The following BRAF variants were observed in gnomAD, a reference collection of about 807,000 sequenced individuals.
BRAF encodes B-Raf proto-oncogene, serine/threonine kinase.
A neutral mutation model predicts 104.6 loss-of-function variants in BRAF; 16 were observed. The observed-to-expected ratio is 0.15, with a 90% confidence interval of 0.10 to 0.23. The LOEUF (loss-of-function observed/expected upper bound fraction) is 0.23. Ranked by LOEUF, BRAF falls within the 10% of genes least tolerant of loss-of-function variation. The pLI is 1.00. For missense variants in BRAF, 541 were observed against 937.3 expected (o/e 0.58, Z 5.52); for synonymous variants, 310 against 341.6 (o/e 0.91, Z 1.02).
At chr7:140,908,589 T>C (rs753980548) in intron 1 of BRAF, among the ~76,000 whole-genome samples, 9 of 152,150 alleles carry the variant, frequency 5.9e-5, no homozygotes, top group Non-Finnish European at 1.3e-4. Flanking sequence ...GGCAAATCAC[T>C]GTGAAGGCTA....
intron 3 of BRAF, among the ~76,000 whole-genome samples, chr7:140,813,446 C>T (rs1428083629): frequency 6.6e-6 from 1 of 152,080 alleles, no homozygotes; most frequent in Admixed American, 6.5e-5. Flanking sequence ...ATCCATGAAG[C>T]GAAATTTGTA....
rs1416374447 is a variant in BRAF at position 140,787,529 on chromosome 7, A to T, written c.1177+19T>A. ...GCAGTTTCCTTGAGTTTTTAAAAAA[A>T]CCTGAAATCACTACTTACCTCCATC... On this transcript the variant is annotated intron_variant, in intron 9 of 19. Coordinates refer to ENST00000644969, the MANE Select transcript of BRAF (RefSeq NM_001374258.1). 1.2e-6 allele frequency: 2 copies of T among 1,608,912 alleles called. No homozygotes were observed. Among genetic ancestry groups the T allele is most frequent in the Non-Finnish European group, 1.7e-6 (2 of 1,175,586 alleles).
intron 1 of BRAF, among the ~76,000 whole-genome samples, chr7:140,895,175 G>A (rs1260507956): frequency 6.6e-6 from 1 of 152,022 alleles, no homozygotes; most frequent in Non-Finnish European, 1.5e-5. Flanking sequence ...AAACTAGGAA[G>A]TCTACCAATA....
At chr7:140,800,104 G>A (rs1483143025) in intron 7 of BRAF, 2 of 511,312 alleles carry the variant, frequency 3.9e-6, no homozygotes, top group Non-Finnish European at 7.0e-6. Context: ...AGTTCAAGAA[G>A]CATGTCACTG....
Position 140,861,295 on chromosome 7 carries a change from A to G in BRAF, c.139-11083T>C, listed in dbSNP as rs147654724. ...ACAAATGAGGGGTGCAAACTTGTTC[A>G]GTTCTGATTGGCTGAGGCAGGTCAC... is the stretch of plus-strand genomic sequence containing the variant. On this transcript the variant is annotated intron_variant, in intron 1 of 19. Transcript: ENST00000644969. Among the ~76,000 whole-genome samples the G allele has an allele frequency of 3.3e-3, 500 of 152,320 alleles. 3 individuals carry two copies. Among genetic ancestry groups the G allele is most frequent in the African/African-American group, 0.012 (478 of 41,552 alleles).
intron 1 of BRAF, among the ~76,000 whole-genome samples, chr7:140,851,204 T>C (rs1000186483): frequency 2.6e-5 from 4 of 152,112 alleles, no homozygotes; most frequent in South Asian, 2.1e-4. Context: ...AGGTTTTTTT[T>C]CTTAATAAAA....
intron 1 of BRAF, among the ~76,000 whole-genome samples, chr7:140,864,848 G>A (rs1184625220): frequency 6.6e-6 from 1 of 152,142 alleles, no homozygotes; most frequent in South Asian, 2.1e-4. Flanking sequence ...ATGGAAGACA[G>A]AGATGCAGGA....
chr7:140,918,722 G>A (rs780640308), intron 1 of BRAF, among the ~76,000 whole-genome samples: 1 of 152,206 alleles, frequency 6.6e-6, no homozygotes, highest in Non-Finnish European at 1.5e-5. Flanking sequence ...ATCCAGTAAG[G>A]TTTTATTCAC....
At position 140,818,556 on chromosome 7, in the gene BRAF, G is replaced by A. The variant is rs576408419; in HGVS notation, c.505-9561C>T. ...TCGAACTCCTGACCTCAGGTGATCC[G>A]CCCGCCTTGGCCTCCCAAAGTGCTA... On this transcript the variant is annotated intron_variant, in intron 3 of 19. Transcript: ENST00000644969. Among the ~76,000 whole-genome samples, 9 of 152,080 alleles carry A rather than the reference G, an allele frequency of 5.9e-5. No individual in the cohort carries two copies. In the South Asian group the frequency reaches 6.2e-4, roughly 11 times the overall value.
intron 7 of BRAF, chr7:140,799,375 T>C (rs747585599): frequency 1.7e-5 from 4 of 232,584 alleles, no homozygotes; most frequent in Non-Finnish European, 3.4e-5. Flanking sequence ...TCACTGCTAA[T>C]TGATTTTTTC....
At chr7:140,914,964 C>A (rs1393445662) in intron 1 of BRAF, among the ~76,000 whole-genome samples, 1 of 10,348 alleles carries the variant, frequency 9.7e-5, no homozygotes, top group Admixed American at 2.2e-3. Flanking sequence ...CACTTGAACC[C>A]GGGGGGGGGG....
intron 1 of BRAF, among the ~76,000 whole-genome samples, chr7:140,897,101 T>C (rs12531697): frequency 0.025 from 3,771 of 151,862 alleles, 182 homozygotes; most frequent in East Asian, 0.17. Flanking sequence ...TTAGAGGACA[T>C]TGACAATCTA....
chr7:140,793,017 A>G (rs1802139508), intron 8 of BRAF, among the ~76,000 whole-genome samples: 1 of 152,238 alleles, frequency 6.6e-6, no homozygotes, highest in African/African-American at 2.4e-5. Context: ...TGTAGTATAT[A>G]ATTCAAGTGA....
intron 1 of BRAF, among the ~76,000 whole-genome samples, chr7:140,910,009 T>C (rs1816795641): frequency 1.3e-5 from 2 of 152,190 alleles, no homozygotes; most frequent in Non-Finnish European, 2.9e-5. Context: ...CATTGTGGGA[T>C]GGCTGACTTC....
chr7:140,782,244 G>A (rs984126298), intron 11 of BRAF, among the ~76,000 whole-genome samples: 1 of 152,048 alleles, frequency 6.6e-6, no homozygotes, highest in Admixed American at 6.6e-5. Context: ...TTATTTATGG[G>A]GTATGAGCAG....
intron 1 of BRAF, among the ~76,000 whole-genome samples, chr7:140,893,719 AAC>A (rs1317105130): frequency 6.6e-6 from 1 of 152,214 alleles, no homozygotes; most frequent in Admixed American, 6.5e-5. Context: ...TGAGAGAAGA[AAC>A]ATAATAGGCA....
intron 19 of BRAF, among the ~76,000 whole-genome samples, chr7:140,728,167 T>G (rs1340501280): frequency 6.6e-6 from 1 of 152,210 alleles, no homozygotes; most frequent in South Asian, 2.1e-4. Flanking sequence ...GAACAGTTTG[T>G]ACACATCTGC....
intron 1 of BRAF, among the ~76,000 whole-genome samples, chr7:140,858,473 G>T (rs143961291): frequency 2.6e-5 from 4 of 152,290 alleles, no homozygotes; most frequent in South Asian, 2.1e-4. Context: ...CAAAATGTGG[G>T]ACATTCTAAG....
intron 5 of BRAF, among the ~76,000 whole-genome samples, chr7:140,804,406 T>TGGG (rs200619211): frequency 6.8e-6 from 1 of 147,258 alleles, no homozygotes; most frequent in African/African-American, 2.6e-5. Context: ...GTTTTTTTTT[T>TGGG]GGGGGGGGTG....
Sources: gnomAD v4.1 joint callset for allele counts (sites outside exome capture counted in the v4.1 genomes callset) on GRCh38, gnomAD v4.1.1 for gene constraint, MANE v1.5 for transcripts, NCBI Gene and HGNC (gene_info 2026-07-23, HGNC 2026-07-21) for gene names.